Variants in KRR1 observed in about 807,000 individuals in gnomAD.
The protein encoded by KRR1 is KRR1 small subunit processome component homolog.
Under a neutral mutation model 50.0 loss-of-function variants are expected in KRR1, and 23 were observed. The ratio of observed to expected loss-of-function variants is 0.46; its 90% confidence interval spans 0.33 to 0.65. KRR1 has a LOEUF of 0.65. Among genes scored for constraint, KRR1 ranks in the 30% least tolerant of loss-of-function variants. The pLI, the probability that KRR1 is intolerant of heterozygous loss-of-function variation, is 0.02. For missense variants in KRR1, 419 were observed against 442.4 expected (o/e 0.95, Z 0.47); for synonymous variants, 133 against 146.3 (o/e 0.91, Z 0.66).
rs1266396185 is a variant in KRR1, at chr12:75,493,876, T to A, written c.*5933A>T. On this transcript the variant is annotated 3_prime_UTR_variant, in exon 10 of 10. Coordinates refer to ENST00000229214, the MANE Select transcript of KRR1 (RefSeq NM_007043.7). ...ACCGACTGTCTTGGTTTTTAGCTTA[T>A]TTTTAAGTAGCATTTTTTACCTTTT... 6.6e-6 allele frequency: 1 copy of A among 152,236 alleles called. No homozygotes were observed. Among genetic ancestry groups the A allele is most frequent in the Non-Finnish European group, 1.5e-5 (1 of 68,052 alleles). The allele number at this position is 152,236 out of a possible 1,614,324, so 9.4% of individuals were successfully genotyped here.
chr12:75,493,516 G>C lies in KRR1; in HGVS notation c.*6293C>G, dbSNP rs1378655231. 1 of 152,158 alleles carries C rather than the reference G, an allele frequency of 6.6e-6. No homozygotes were observed. The highest frequency in any genetic ancestry group is 2.4e-5 in the African/African-American group (1 of 41,434). The allele number at this position is 152,158 out of a possible 1,614,324, so 9.4% of individuals were successfully genotyped here. On this transcript the variant is annotated 3_prime_UTR_variant, in exon 10 of 10. Transcript: ENST00000229214. Reference sequence around the variant, plus strand: ...GTGTAACAGATCTTTACTCAGAGTGGATTAGTGGAGGAGAGGATTATAGCA... The same window carrying C: ...GTGTAACAGATCTTTACTCAGAGTGCATTAGTGGAGGAGAGGATTATAGCA...
Position 75,491,047 on chromosome 12 carries a change from C to A in KRR1, c.*8762G>T, listed in dbSNP as rs1032161341. 2 of 152,260 alleles carry A rather than the reference C, an allele frequency of 1.3e-5. No individual in the cohort carries two copies. Among genetic ancestry groups the A allele is most frequent in the African/African-American group, 4.8e-5 (2 of 41,420 alleles). 9.4% of individuals were successfully genotyped at this position (152,260 alleles called of 1,614,324 possible). ...CTTTCTTTAAACTTACATATGTGTGCTTGTGTCATACACATATTTAGAAAT... is the reference window on the plus strand; with the variant it reads ...CTTTCTTTAAACTTACATATGTGTGATTGTGTCATACACATATTTAGAAAT... On this transcript the variant is annotated 3_prime_UTR_variant, in exon 10 of 10. Coordinates refer to ENST00000229214, the MANE Select transcript of KRR1 (RefSeq NM_007043.7).
rs370067745 is a variant in KRR1 at position 75,506,497 on chromosome 12, C to A, written c.506G>T (p.Gly169Val). ...KRRQRLIGPK[G>V]STLKALELLT... ...ATTAAAAAATACCTTCAATGTAGAT[C>A]CTTTGGGACCAATAAGCCGTTGTCT... Residue 169 changes from glycine (G) to valine (V), a missense_variant, in exon 4 of 10, where the codon GGA becomes GTA. Physicochemically the swap from Gly to Val is moderately radical, Grantham distance 109. Coordinates refer to ENST00000229214, the MANE Select transcript of KRR1 (RefSeq NM_007043.7). 11 of 1,611,212 alleles carry A rather than the reference C, an allele frequency of 6.8e-6. No homozygotes were observed. The African/African-American group carries it at 1.5e-4, about 22-fold the overall frequency.
chr12:75,507,759 T>C (rs2046429209), intron 2 of KRR1, among the ~76,000 whole-genome samples: 1 of 152,194 alleles, frequency 6.6e-6, no homozygotes, highest in South Asian at 2.1e-4. Flanking sequence ...GATATGTCAT[T>C]TTCTAAAGGC....
intron 7 of KRR1, chr12:75,502,330 G>C (rs2046399888): frequency 1.0e-5 from 2 of 199,860 alleles, no homozygotes; most frequent in African/African-American, 4.7e-5. Flanking sequence ...AAGTAGGAGG[G>C]ATAAGATTTA....
chr12:75,506,630 A>AAAAAG, intron 3 of KRR1, 21 bp from the exon 4 acceptor site: 1 of 1,551,828 alleles, frequency 6.4e-7, no homozygotes, highest in Non-Finnish European at 8.6e-7. Context: ...AAAAAAAAAA[A>AAAAAG]AAAGAAGACA....
At position 75,499,968 on chromosome 12, in the gene KRR1, C is replaced by A; in HGVS notation, c.1004-17G>T. On this transcript the variant is annotated splice_polypyrimidine_tract_variant and intron_variant, in intron 9 of 9. Coordinates refer to ENST00000229214, the MANE Select transcript of KRR1 (RefSeq NM_007043.7). ...CAGTAGAAGCTAGACAAATTAAAAGCACAACACATGTAATACTTTAGATTT... is the reference window on the plus strand; with the variant it reads ...CAGTAGAAGCTAGACAAATTAAAAGAACAACACATGTAATACTTTAGATTT... The A allele has an allele frequency of 6.3e-7, 1 of 1,576,652 alleles. No individual in the cohort carries two copies. The highest frequency in any genetic ancestry group is 2.3e-5 in the East Asian group (1 of 42,622).
rs1025960658 is a variant in KRR1, at chr12:75,499,625, G to A, written c.*184C>T. 1.3e-4 allele frequency: 46 copies of A among 345,108 alleles called. No homozygotes were observed. Among genetic ancestry groups the A allele is most frequent in the Non-Finnish European group, 1.9e-4 (37 of 197,568 alleles). The allele number at this position is 345,108 out of a possible 1,614,324, so 21.4% of individuals were successfully genotyped here. A position where few individuals can be genotyped will look rare whatever the true frequency, so the allele number is the denominator to read the frequency against. Reference sequence around the variant, plus strand: ...ACAAAGACTTATATACCACTTTCTCGTATAAATTTTTCAAAAAATACAATA... The same window carrying A: ...ACAAAGACTTATATACCACTTTCTCATATAAATTTTTCAAAAAATACAATA... On this transcript the variant is annotated 3_prime_UTR_variant, in exon 10 of 10. Transcript: ENST00000229214.
rs766306016 is a variant in KRR1, at chr12:75,506,479, A to C, written c.519+5T>G. On this transcript the variant is annotated splice_donor_5th_base_variant and intron_variant, in intron 4 of 9. Transcript: ENST00000229214. ...GACTCAAGTTTTCCACTAATTAAAA[A>C]ATACCTTCAATGTAGATCCTTTGGG... 1.2e-6 allele frequency: 2 copies of C among 1,606,218 alleles called. No individual in the cohort carries two copies. Among genetic ancestry groups the C allele is most frequent in the South Asian group, 2.2e-5 (2 of 90,106 alleles).
chr12:75,501,767 G>A lies in KRR1; in HGVS notation c.959C>T (p.Ala320Val), dbSNP rs1245540882. Reference sequence around the variant, plus strand: ...TGGTTTTTCCTTAGGTGGAATAAATGCTTTGTTTCTTTCCTCTTGTCTCTT... The same window carrying A: ...TGGTTTTTCCTTAGGTGGAATAAATACTTTGTTTCTTTCCTCTTGTCTCTT... ...ISKRQEERNK[A>V]FIPPKEKPIV... The change falls in exon 9 of 10, where the codon GCA (alanine) becomes GTA (valine). Residue 320 changes from alanine to valine, a missense_variant. Physicochemically the swap from Ala to Val is moderately conservative, Grantham distance 64 (BLOSUM62 0). Coordinates refer to ENST00000229214, the MANE Select transcript of KRR1 (RefSeq NM_007043.7). 6.2e-7 allele frequency: 1 copy of A among 1,610,892 alleles called. No homozygotes were observed. Among genetic ancestry groups the A allele is most frequent in the African/African-American group, 1.3e-5 (1 of 74,890 alleles).
chr12:75,497,369 G>C lies in KRR1; in HGVS notation c.*2440C>G, dbSNP rs1356615995. 6.6e-6 allele frequency: 1 copy of C among 151,978 alleles called. No homozygotes were observed. The highest frequency in any genetic ancestry group is 1.5e-5 in the Non-Finnish European group (1 of 68,002). 9.4% of individuals were successfully genotyped at this position (151,978 alleles called of 1,614,324 possible). A position where few individuals can be genotyped will look rare whatever the true frequency, so the allele number is the denominator to read the frequency against. On this transcript the variant is annotated 3_prime_UTR_variant, in exon 10 of 10. Transcript: ENST00000229214. Reference sequence around the variant, plus strand: ...CTGTAGTCCAATAATGAAAACCCTTGGACTCTTGAGAAAACACATGCTAAC... The same window carrying C: ...CTGTAGTCCAATAATGAAAACCCTTCGACTCTTGAGAAAACACATGCTAAC...
Position 75,506,775 on chromosome 12 carries a change from G to A in KRR1, c.393+7C>T. 6.2e-7 allele frequency: 1 copy of A among 1,607,988 alleles called. No homozygotes were observed. The highest frequency in any genetic ancestry group is 8.5e-7 in the Non-Finnish European group (1 of 1,177,702). ...ACAAAGCAAAGTCTCTGTAATTCTAGATTTACCTGTTCAAATGAAACACTC... is the reference window on the plus strand; with the variant it reads ...ACAAAGCAAAGTCTCTGTAATTCTAAATTTACCTGTTCAAATGAAACACTC... On this transcript the variant is annotated splice_region_variant and intron_variant, in intron 3 of 9. Transcript: ENST00000229214.
rs1251518165 is a variant in KRR1, at chr12:75,499,933, A to G, written c.1022T>C (p.Ile341Thr). 14 of 1,601,798 alleles carry G rather than the reference A, an allele frequency of 8.7e-6. No homozygotes were observed. Among genetic ancestry groups the G allele is most frequent in the Non-Finnish European group, 1.2e-5 (14 of 1,175,824 alleles). Residue 341 changes from isoleucine (I) to threonine (T), a missense_variant, in exon 10 of 10, where the codon ATT (isoleucine) becomes ACT (threonine). Transcript: ENST00000229214. ...CTTTTCCTTGATGCTGGCCACATCAATTTTAGTTTCAGTAGAAGCTAGACA... is the reference window on the plus strand; with the variant it reads ...CTTTTCCTTGATGCTGGCCACATCAGTTTTAGTTTCAGTAGAAGCTAGACA... ...KPKEASTETK[I>T]DVASIKEKVK...
In KRR1 at chr12:75,508,429, T is replaced by A. The variant is rs1262158200; in HGVS notation, c.103A>T (p.Thr35Ser). The change falls in exon 2 of 10, where the codon ACG becomes TCG. Residue 35 changes from threonine to serine, a missense_variant. Physicochemically the swap from Thr to Ser is moderately conservative, Grantham distance 58. Transcript: ENST00000229214. ...PENQDESELL[T>S]VPDGWKEPAF... The stretch of plus-strand genomic sequence containing the variant: ...GGTTCCTTCCAACCATCAGGAACCG[T>A]AAGGAGTTCTGATTCATCTACAGAA... 1 of 1,604,702 alleles carries A rather than the reference T, an allele frequency of 6.2e-7. No homozygotes were observed. The highest frequency in any genetic ancestry group is 1.7e-5 in the Admixed American group (1 of 57,276).
intron 7 of KRR1, chr12:75,502,921 T>G (rs1169001104): frequency 1.3e-5 from 2 of 152,044 alleles, no homozygotes; most frequent in African/African-American, 4.8e-5. Flanking sequence ...TTCCATTGTT[T>G]TTTCACTATG....
At chr12:75,500,333 A>ACC (rs2046383256) in intron 9 of KRR1, 1 of 154,126 alleles carries the variant, frequency 6.5e-6, no homozygotes, top group Non-Finnish European at 1.4e-5. Context: ...ATTATTTTCC[A>ACC]TCTTGCACAT....
In KRR1 at chr12:75,499,887, CTTA is replaced by C. The variant is rs752622359; in HGVS notation, c.1065_1067del (p.Asn355del). ...CTTCAGCTGTAAGAGCTCCCAGTTT[CTTA>C]TTCTTTGCTTTCTTAACCTTTTCCT... On this transcript the variant is annotated inframe_deletion, in exon 10 of 10. Coordinates refer to ENST00000229214, the MANE Select transcript of KRR1 (RefSeq NM_007043.7). 5.6e-6 allele frequency: 9 copies of C among 1,609,576 alleles called. No homozygotes were observed. In the South Asian group the frequency reaches 9.9e-5, roughly 18 times the overall value.
At position 75,499,607 on chromosome 12, in the gene KRR1, C is replaced by CA. The variant is rs2046376203; in HGVS notation, c.*201_*202insT. ...ACAATGGTCGTAATGTATACAAAGA[C>CA]TTATATACCACTTTCTCGTATAAAT... On this transcript the variant is annotated 3_prime_UTR_variant, in exon 10 of 10. Transcript: ENST00000229214. 1.2e-5 allele frequency: 4 copies of CA among 330,378 alleles called. No homozygotes were observed. Among genetic ancestry groups the CA allele is most frequent in the Admixed American group, 4.7e-5 (1 of 21,334 alleles). The allele number at this position is 330,378 out of a possible 1,614,324, so 20.5% of individuals were successfully genotyped here. A position where few individuals can be genotyped will look rare whatever the true frequency, so the allele number is the denominator to read the frequency against.
Position 75,490,959 on chromosome 12 carries a change from A to G in KRR1, c.*8850T>C, listed in dbSNP as rs1439768401. On this transcript the variant is annotated 3_prime_UTR_variant, in exon 10 of 10. Transcript: ENST00000229214. ...ATATAACCTATTTCATTTACTTTTG[A>G]CAGTTGTTTTTAAAACAGATATAGT... 2.6e-5 allele frequency: 4 copies of G among 153,652 alleles called. No individual in the cohort carries two copies. The highest frequency in any genetic ancestry group is 9.7e-5 in the African/African-American group (4 of 41,434). The allele number at this position is 153,652 out of a possible 1,614,324, so 9.5% of individuals were successfully genotyped here.
Sources: gnomAD v4.1 joint callset for allele counts (sites outside exome capture counted in the v4.1 genomes callset) on GRCh38, gnomAD v4.1.1 for gene constraint, MANE v1.5 for transcripts, NCBI Gene and HGNC (gene_info 2026-07-23, HGNC 2026-07-21) for gene names.